The following RIMS1 variants were observed in gnomAD, a reference collection of about 807,000 sequenced individuals.
The protein encoded by RIMS1 is regulating synaptic membrane exocytosis 1, also known as regulating synaptic membrane exocytosis protein 1.
Under a neutral mutation model 214.1 loss-of-function variants are expected in RIMS1, and 83 were observed. The ratio of observed to expected loss-of-function variants is 0.39; its 90% CI spans 0.32 to 0.47. The LOEUF is 0.47. Among genes scored for constraint, RIMS1 ranks in the 20% least tolerant of loss-of-function variants. The pLI is 0.99. For synonymous variants in RIMS1, 793 were observed against 786.8 expected (o/e 1.01, Z -0.13); for missense variants, 2,050 against 2,161.8 (o/e 0.95, Z 1.03).
intron 4 of RIMS1, among the ~76,000 whole-genome samples, chr6:72,116,391 C>G (rs1056486033): frequency 2.0e-5 from 3 of 151,948 alleles, no homozygotes; most frequent in African/African-American, 7.2e-5. Flanking sequence ...TGAAAGAGAA[C>G]TAGCTCAAAG....
At chr6:72,332,197 G>A (rs779267399) in intron 28 of RIMS1, among the ~76,000 whole-genome samples, 2 of 151,666 alleles carry the variant, frequency 1.3e-5, no homozygotes, top group Admixed American at 1.3e-4. Flanking sequence ...TGTGTATTTT[G>A]TAGTTCAAAA....
At chr6:72,196,776 G>A (rs2153987047) in intron 6 of RIMS1, among the ~76,000 whole-genome samples, 1 of 151,882 alleles carries the variant, frequency 6.6e-6, no homozygotes, top group Middle Eastern at 3.4e-3. Flanking sequence ...AATATAGCGT[G>A]CTTTTCCACA....
chr6:72,074,068 C>T (rs747565849), intron 2 of RIMS1, among the ~76,000 whole-genome samples: 4 of 151,922 alleles, frequency 2.6e-5, no homozygotes, highest in East Asian at 1.9e-4. Flanking sequence ...CATAAACTGC[C>T]GAAAGAGTCC....
At chr6:72,158,771 G>T (rs2044826981) in intron 4 of RIMS1, among the ~76,000 whole-genome samples, 1 of 139,872 alleles carries the variant, frequency 7.1e-6, no homozygotes, top group African/African-American at 2.5e-5. Flanking sequence ...GTATTCCATG[G>T]TGTATATGTG....
intron 2 of RIMS1, among the ~76,000 whole-genome samples, chr6:72,082,544 G>A (rs951800339): frequency 6.6e-6 from 1 of 152,118 alleles, no homozygotes. Flanking sequence ...GAAATTTGGC[G>A]CTAGAACCAC....
intron 2 of RIMS1, among the ~76,000 whole-genome samples, chr6:72,061,638 C>G (rs138226628): frequency 2.6e-5 from 4 of 152,288 alleles, no homozygotes; most frequent in South Asian, 2.1e-4. Flanking sequence ...TGGAGTTCAC[C>G]CTTTGTTCCC....
chr6:72,311,477 T>C (rs1223820387), intron 27 of RIMS1, among the ~76,000 whole-genome samples: 2 of 152,210 alleles, frequency 1.3e-5, no homozygotes, highest in Non-Finnish European at 2.9e-5. Flanking sequence ...TTGTCTTAAA[T>C]CACATTAATT....
intron 1 of RIMS1, among the ~76,000 whole-genome samples, chr6:71,900,705 G>A (rs1307454744): frequency 1.3e-5 from 2 of 152,128 alleles, no homozygotes; most frequent in African/African-American, 4.8e-5. Flanking sequence ...TGGAGTGGTG[G>A]AAGAGAGATC....
chr6:72,146,938 C>G (rs2042843923), intron 4 of RIMS1, among the ~76,000 whole-genome samples: 1 of 147,254 alleles, frequency 6.8e-6, no homozygotes, highest in Non-Finnish European at 1.5e-5. Flanking sequence ...CTGACTCTTT[C>G]CAGCATAATC....
Position 71,886,896 on chromosome 6 carries a change from C to CGCT in RIMS1, c.-124_-122dup. 2.0e-6 allele frequency: 2 copies of CGCT among 1,024,316 alleles called. No homozygotes were observed. Among genetic ancestry groups the CGCT allele is most frequent in the South Asian group, 1.6e-5 (1 of 64,270 alleles). The allele number at this position is 1,024,316 out of a possible 1,614,324, so 63.5% of individuals were successfully genotyped here. On this transcript the variant is annotated 5_prime_UTR_variant, in exon 1 of 34. Coordinates refer to ENST00000521978, the MANE Select transcript of RIMS1 (RefSeq NM_014989.7). The stretch of plus-strand genomic sequence containing the variant: ...CTGCTGCTGCTGCTGCCGCCGCCGC[C>CGCT]GCTGCTCCTCCTCCTGCCGCCGCCG...
intron 2 of RIMS1, among the ~76,000 whole-genome samples, chr6:71,980,039 C>A (rs1798108719): frequency 6.6e-6 from 1 of 152,098 alleles, no homozygotes; most frequent in Non-Finnish European, 1.5e-5. Flanking sequence ...TGCCTCAGGG[C>A]TCAGCCTGGT....
chr6:71,959,279 A>G (rs1792201246), intron 1 of RIMS1, among the ~76,000 whole-genome samples: 1 of 152,142 alleles, frequency 6.6e-6, no homozygotes, highest in Admixed American at 6.6e-5. Context: ...AGTGCCTGAA[A>G]TAGTTCATTA....
In RIMS1 at chr6:72,167,121, T is replaced by C. The variant is rs539970006; in HGVS notation, c.472-12454T>C. Among the ~76,000 whole-genome samples the C allele has an allele frequency of 1.8e-3, 275 of 152,112 alleles. 1 individual carries two copies. The highest frequency in any genetic ancestry group is 6.4e-3 in the African/African-American group (264 of 41,548). ...TGAAATCTTTTTTATGTCTAGTTTG[T>C]TGAGCATTTTTTCTCATTAAAAGTG... On this transcript the variant is annotated intron_variant, in intron 4 of 33. Coordinates refer to ENST00000521978, the MANE Select transcript of RIMS1 (RefSeq NM_014989.7).
chr6:71,934,121 A>G (rs1312247794), intron 1 of RIMS1, among the ~76,000 whole-genome samples: 14 of 152,214 alleles, frequency 9.2e-5, no homozygotes, highest in Admixed American at 8.5e-4. Context: ...AAGGGTGAGC[A>G]TCAGTGTGTG....
At chr6:72,144,511 A>T (rs1399685354) in intron 4 of RIMS1, among the ~76,000 whole-genome samples, 1 of 152,178 alleles carries the variant, frequency 6.6e-6, no homozygotes, top group Non-Finnish European at 1.5e-5. Context: ...AGACAGCTCA[A>T]AAGTCCTAAG....
chr6:72,111,930 G>C (rs2036170069), intron 4 of RIMS1, among the ~76,000 whole-genome samples: 1 of 152,228 alleles, frequency 6.6e-6, no homozygotes, highest in South Asian at 2.1e-4. Context: ...CTATAACAGA[G>C]TTCTAATTGT....
rs2056120705 is a variant in RIMS1, at chr6:72,216,556, G to T, written c.1679-17217G>T. The T allele has an allele frequency of 1.0e-5, 10 of 985,458 alleles. No individual in the cohort carries two copies. The South Asian group carries it at 4.7e-4, about 46-fold the overall frequency. The allele number at this position is 985,458 out of a possible 1,614,324, so 61.0% of individuals were successfully genotyped here. A position where few individuals can be genotyped will look rare whatever the true frequency, so the allele number is the denominator to read the frequency against. On this transcript the variant is annotated intron_variant, in intron 6 of 33. Transcript: ENST00000521978. ...GAGCTGAGTAAGATTCCTCAGTTAG[G>T]GAAACTGCAGAGGAAATGATCTGTT...
intron 31 of RIMS1, among the ~76,000 whole-genome samples, chr6:72,393,062 C>T (rs1328790757): frequency 7.1e-6 from 1 of 140,726 alleles, no homozygotes; most frequent in Non-Finnish European, 1.5e-5. Context: ...AAATGTAGGA[C>T]ATGGGTGGCA....
At chr6:72,268,381 C>A (rs1367948648) in intron 22 of RIMS1, among the ~76,000 whole-genome samples, 1 of 152,110 alleles carries the variant, frequency 6.6e-6, no homozygotes, top group Non-Finnish European at 1.5e-5. Flanking sequence ...AATGTTAGAG[C>A]AAATGTTTTA....
Sources: gnomAD v4.1 joint callset for allele counts (sites outside exome capture counted in the v4.1 genomes callset) on GRCh38, gnomAD v4.1.1 for gene constraint, MANE v1.5 for transcripts, NCBI Gene and HGNC (gene_info 2026-07-23, HGNC 2026-07-21) for gene names.